The following SGCZ variants were observed in gnomAD, a reference collection of about 807,000 sequenced individuals.
SGCZ encodes the protein sarcoglycan zeta.
SGCZ carries 40 observed loss-of-function variants against 41.3 expected under a neutral mutation model. That is an observed-to-expected ratio of 0.97 (90% CI 0.75 to 1.26). The LOEUF (loss-of-function observed/expected upper bound fraction) is 1.26. Among genes scored for constraint, SGCZ ranks in the 50% most tolerant of loss-of-function variants. The pLI is 0.00. For synonymous variants in SGCZ, 206 were observed against 137.5 expected, an observed-to-expected ratio of 1.50 and a Z score of -3.49; for missense variants, 552 against 369.8, an observed-to-expected ratio of 1.49 and a Z score of -4.04.
chr8:14,791,660 A>G (rs1312057914), intron 1 of SGCZ, among the ~76,000 whole-genome samples: 1 of 152,202 alleles, frequency 6.6e-6, no homozygotes, highest in Non-Finnish European at 1.5e-5. Context: ...AAATAAAGCT[A>G]CACACAAGTG....
At chr8:14,875,168 A>C (rs1480477806) in intron 1 of SGCZ, among the ~76,000 whole-genome samples, 2 of 152,160 alleles carry the variant, frequency 1.3e-5, no homozygotes, top group Admixed American at 6.6e-5. Flanking sequence ...CCTCATCTCC[A>C]CTTCCAAAAT....
intron 1 of SGCZ, among the ~76,000 whole-genome samples, chr8:15,121,264 A>G (rs1056862304): frequency 9.9e-5 from 15 of 152,220 alleles, no homozygotes; most frequent in African/African-American, 3.1e-4. Context: ...ACAATTACCA[A>G]TACTATCTGC....
Position 14,283,887 on chromosome 8 carries a change from A to G in SGCZ, c.336+40216T>C, listed in dbSNP as rs140204741. Among the ~76,000 whole-genome samples, 10 of 152,328 alleles carry G rather than the reference A, an allele frequency of 6.6e-5. No homozygotes were observed. The East Asian group carries it at 1.5e-3, about 24-fold the overall frequency. On this transcript the variant is annotated intron_variant, in intron 3 of 7. Transcript: ENST00000382080. ...ACTAGTTTACATTAAAAAAATTTCA[A>G]TTGACCTAAGAAACTTTTGTAGAAT... is the stretch of plus-strand genomic sequence containing the variant.
intron 5 of SGCZ, among the ~76,000 whole-genome samples, chr8:14,144,309 T>C (rs1803458216): frequency 6.6e-6 from 1 of 152,154 alleles, no homozygotes; most frequent in Non-Finnish European, 1.5e-5. Flanking sequence ...TAAGTCATAG[T>C]CAGAGTCATG....
chr8:14,958,023 G>A (rs1437116195), intron 1 of SGCZ, among the ~76,000 whole-genome samples: 1 of 151,860 alleles, frequency 6.6e-6, no homozygotes, highest in Non-Finnish European at 1.5e-5. Context: ...ACACTAAAAA[G>A]TCACAAAAGT....
intron 4 of SGCZ, among the ~76,000 whole-genome samples, chr8:14,233,118 C>G (rs1350580356): frequency 6.6e-6 from 1 of 151,980 alleles, no homozygotes; most frequent in Non-Finnish European, 1.5e-5. Flanking sequence ...ACAAAGCTAG[C>G]TCTACCAGTT....
chr8:14,449,444 C>A (rs928238352), intron 2 of SGCZ, among the ~76,000 whole-genome samples: 2 of 152,106 alleles, frequency 1.3e-5, no homozygotes, highest in African/African-American at 4.8e-5. Flanking sequence ...TGAAAGCATG[C>A]CTTCAGTTTG....
At chr8:14,545,112 G>A (rs989320494) in intron 2 of SGCZ, among the ~76,000 whole-genome samples, 3 of 151,958 alleles carry the variant, frequency 2.0e-5, no homozygotes, top group Admixed American at 6.6e-5. Flanking sequence ...TTTCTCAGCC[G>A]GCTGACACTT....
At chr8:14,720,141 C>A (rs1403248401) in intron 1 of SGCZ, among the ~76,000 whole-genome samples, 1 of 151,826 alleles carries the variant, frequency 6.6e-6, no homozygotes, top group African/African-American at 2.4e-5. Flanking sequence ...TTCAGACTAT[C>A]TGATCTTGGC....
intron 1 of SGCZ, among the ~76,000 whole-genome samples, chr8:14,972,671 T>C (rs1801339440): frequency 6.6e-6 from 1 of 152,178 alleles, no homozygotes; most frequent in Admixed American, 6.5e-5. Context: ...ATATCGTTAT[T>C]TTAGAGGCTG....
chr8:15,160,310 G>T (rs917921716), intron 1 of SGCZ, among the ~76,000 whole-genome samples: 9 of 152,134 alleles, frequency 5.9e-5, no homozygotes, highest in South Asian at 2.1e-4. Context: ...ACCATATTGT[G>T]TCAGAATCAC....
chr8:15,223,989 G>T (rs1268527974), intron 1 of SGCZ, among the ~76,000 whole-genome samples: 1 of 152,010 alleles, frequency 6.6e-6, no homozygotes, highest in Non-Finnish European at 1.5e-5. Flanking sequence ...CCAGTAGCTG[G>T]GATTACAGGC....
intron 1 of SGCZ, among the ~76,000 whole-genome samples, chr8:14,855,191 T>A (rs909709467): frequency 3.3e-5 from 5 of 151,918 alleles, no homozygotes; most frequent in Non-Finnish European, 7.4e-5. Context: ...TAGCTGGGAA[T>A]AAGGGATGCC....
At chr8:14,636,422 T>C (rs1211614380) in intron 1 of SGCZ, among the ~76,000 whole-genome samples, 1 of 151,810 alleles carries the variant, frequency 6.6e-6, no homozygotes, top group Non-Finnish European at 1.5e-5. Flanking sequence ...AGGCAAGAGA[T>C]TTACATGAAC....
intron 5 of SGCZ, among the ~76,000 whole-genome samples, chr8:14,113,348 T>C (rs952017242): frequency 6.6e-6 from 1 of 152,180 alleles, no homozygotes; most frequent in South Asian, 2.1e-4. Flanking sequence ...TTACTGCCTG[T>C]AGTACTTGTC....
chr8:14,685,952 A>C (rs574612083), intron 1 of SGCZ, among the ~76,000 whole-genome samples: 10 of 152,272 alleles, frequency 6.6e-5, no homozygotes, highest in African/African-American at 2.4e-4. Context: ...TGTTACACTA[A>C]TAAACCTACA....
rs181634022 is a variant in SGCZ, at chr8:14,278,439, A to G, written c.337-40760T>C. Among the ~76,000 whole-genome samples the G allele has an allele frequency of 2.0e-5, 3 of 152,302 alleles. No homozygotes were observed. The East Asian group carries it at 5.8e-4, about 29-fold the overall frequency. On this transcript the variant is annotated intron_variant, in intron 3 of 7. Coordinates refer to ENST00000382080, the MANE Select transcript of SGCZ (RefSeq NM_139167.4). Reference sequence around the variant, plus strand: ...GCCATCCAAATAATTTAGTCAAATTACAACAAGCAAAGTGACCTCAATGGA... The same window carrying G: ...GCCATCCAAATAATTTAGTCAAATTGCAACAAGCAAAGTGACCTCAATGGA...
At chr8:14,953,548 C>A (rs749966838) in intron 1 of SGCZ, among the ~76,000 whole-genome samples, 1 of 152,138 alleles carries the variant, frequency 6.6e-6, no homozygotes, top group Non-Finnish European at 1.5e-5. Context: ...TTAGCACTGC[C>A]GTAGCCATGG....
chr8:14,823,051 C>G (rs1171320267), intron 1 of SGCZ, among the ~76,000 whole-genome samples: 1 of 94,050 alleles, frequency 1.1e-5, no homozygotes, highest in Non-Finnish European at 1.9e-5. Flanking sequence ...CACACCAATC[C>G]TCATAAAAAA....
Sources: allele counts gnomAD v4.1 joint callset (sites outside exome capture counted in the v4.1 genomes callset), GRCh38; gene constraint gnomAD v4.1.1; transcripts MANE v1.5; gene names NCBI Gene and HGNC (gene_info 2026-07-23, HGNC 2026-07-21).